The following ENPP2 variants were observed in gnomAD, a reference collection of about 807,000 sequenced individuals.
The protein encoded by ENPP2 is ectonucleotide pyrophosphatase/phosphodiesterase 2, also known as autotaxin.
A neutral mutation model predicts 120.2 loss-of-function variants in ENPP2; 51 were observed. That is an observed-to-expected ratio of 0.42 (90% CI 0.34 to 0.54). ENPP2 has a LOEUF of 0.54. Ranked by LOEUF, ENPP2 falls within the 20% of genes least tolerant of loss-of-function variation. The pLI is 0.04. For missense variants in ENPP2, 920 were observed against 1,066.5 expected, an observed-to-expected ratio of 0.86 and a Z score of 1.91; for synonymous variants, 365 against 366.4, an observed-to-expected ratio of 1.00 and a Z score of 0.04.
chr8:119,637,850 A>G (rs575948832), intron 2 of ENPP2, among the ~76,000 whole-genome samples: 5 of 152,338 alleles, frequency 3.3e-5, no homozygotes, highest in African/African-American at 1.2e-4. Context: ...GTCAAGGTAC[A>G]CTATTAAAAC....
upstream of ENPP2, among the ~76,000 whole-genome samples, chr8:119,642,312 A>T (rs552968216): frequency 3.2e-4 from 48 of 151,944 alleles, no homozygotes; most frequent in African/African-American, 1.1e-3. Flanking sequence ...CAGAATTTCT[A>T]TTTGTTTATT....
chr8:119,665,604 G>A (rs550823274), intron 1 of ENPP2, among the ~76,000 whole-genome samples: 23 of 152,270 alleles, frequency 1.5e-4, no homozygotes, highest in Non-Finnish European at 2.8e-4. Flanking sequence ...TTACTTATCA[G>A]TTATCAATCC....
intron 1 of ENPP2, among the ~76,000 whole-genome samples, chr8:119,653,145 T>C (rs936497142): frequency 2.0e-5 from 3 of 152,160 alleles, no homozygotes; most frequent in South Asian, 2.1e-4. Context: ...ATAGCTCGTT[T>C]TAAGAGGTCA....
chr8:119,651,457 A>G (rs1410013151), intron 1 of ENPP2, among the ~76,000 whole-genome samples: 1 of 152,214 alleles, frequency 6.6e-6, no homozygotes, highest in Non-Finnish European at 1.5e-5. Context: ...CTTCAAATAT[A>G]TCAAACAACT....
intron 1 of ENPP2, among the ~76,000 whole-genome samples, chr8:119,667,123 C>A (rs978063465): frequency 1.3e-5 from 2 of 152,146 alleles, no homozygotes; most frequent in African/African-American, 4.8e-5. Context: ...TAGGACCATA[C>A]CAGGAAACCA....
chr8:119,618,323 T>C, intron 5 of ENPP2: 1 of 481,620 alleles, frequency 2.1e-6, no homozygotes, highest in South Asian at 1.5e-5. Flanking sequence ...CTTATGGGCC[T>C]CTGTATAAGA....
chr8:119,606,606 TAA>T (rs1001820171), intron 9 of ENPP2, among the ~76,000 whole-genome samples: 3 of 140,024 alleles, frequency 2.1e-5, no homozygotes, highest in African/African-American at 2.6e-5. Flanking sequence ...GAAACCTCTT[TAA>T]AAAAAAAAAA....
At chr8:119,593,985 T>G (rs1587422436) in intron 11 of ENPP2, 125 bp from the exon 12 acceptor site, 1 of 680,650 alleles carries the variant, frequency 1.5e-6, no homozygotes, top group South Asian at 1.8e-5. Context: ...GAGCTTTGTC[T>G]GGGGAGATTT....
At position 119,657,361 on chromosome 8, in the gene ENPP2, C is replaced by A. The variant is rs79732920; in HGVS notation, c.21+15891G>T. Among the ~76,000 whole-genome samples the A allele has an allele frequency of 1.4e-4, 21 of 152,334 alleles. No individual in the cohort carries two copies. The East Asian group carries it at 3.9e-3, about 28-fold the overall frequency. ...AAAGTCCATGATTTTTACACCATACCATGCCTCCTCTATTGAGTTTGTTCT... is the reference window on the plus strand; with the variant it reads ...AAAGTCCATGATTTTTACACCATACAATGCCTCCTCTATTGAGTTTGTTCT... On this transcript the variant is annotated intron_variant, in intron 1 of 25. Coordinates refer to the ENPP2 transcript ENST00000427067.
At chr8:119,580,211 G>C (rs767107331) in intron 18 of ENPP2, 44 bp from the exon 19 acceptor site, 1 of 1,507,144 alleles carries the variant, frequency 6.6e-7, no homozygotes, top group Non-Finnish European at 9.2e-7. Flanking sequence ...AAGCAAATCA[G>C]AAATGTTCTT....
chr8:119,598,307 A>G (rs1814046465), intron 11 of ENPP2, among the ~76,000 whole-genome samples: 2 of 152,238 alleles, frequency 1.3e-5, no homozygotes, highest in South Asian at 4.1e-4. Flanking sequence ...ACTCCAAGAT[A>G]CCCAATTAAG....
chr8:119,581,425 GC>G (rs2130298200), intron 18 of ENPP2, among the ~76,000 whole-genome samples: 1 of 152,132 alleles, frequency 6.6e-6, no homozygotes, highest in Non-Finnish European at 1.5e-5. Flanking sequence ...TTGCCCTGTG[GC>G]TCCCTGTTGG....
intron 22 of ENPP2, 60 bp from the exon 23 acceptor site, chr8:119,565,015 C>A: frequency 6.6e-7 from 1 of 1,505,908 alleles, no homozygotes; most frequent in Non-Finnish European, 9.1e-7. Context: ...TTACTCTAGC[C>A]AAATTCTCTC....
At chr8:119,582,078 G>C (rs756951917) in intron 18 of ENPP2, among the ~76,000 whole-genome samples, 1 of 152,038 alleles carries the variant, frequency 6.6e-6, no homozygotes, top group South Asian at 2.1e-4. Context: ...CCTGTCTCCC[G>C]TCGGGACCAT....
chr8:119,601,336 C>T, intron 10 of ENPP2, 61 bp downstream of exon 10: 1 of 1,161,428 alleles, frequency 8.6e-7, no homozygotes. Flanking sequence ...TCTAGTGTTT[C>T]ACGCAATTCT....
At position 119,621,501 on chromosome 8, in the gene ENPP2, G is replaced by T; in HGVS notation, c.311C>A (p.Thr104Asn). 6.2e-7 allele frequency: 1 copy of T among 1,613,388 alleles called. No homozygotes were observed. Among genetic ancestry groups the T allele is most frequent in the Non-Finnish European group, 8.5e-7 (1 of 1,179,522 alleles). Residue 104 changes from threonine (T) to asparagine (N), a missense_variant, in exon 4 of 25, where the codon ACT (threonine) becomes AAT (asparagine). By Grantham distance (65) the Thr-to-Asn change is moderately conservative. Coordinates refer to ENST00000075322, the MANE Select transcript of ENPP2 (RefSeq NM_001040092.3). ...CLKTARGWEC[T>N]KDRCGEVRNE... ...TCTGACTTCTCCACATCTGTCCTTA[G>T]TACACTCCCAGCCACGGGCTAAAAT...
intron 2 of ENPP2, among the ~76,000 whole-genome samples, chr8:119,637,783 A>G (rs1817091240): frequency 6.6e-6 from 1 of 152,186 alleles, no homozygotes; most frequent in South Asian, 2.1e-4. Flanking sequence ...TGGGAACACT[A>G]CTTATGGTGT....
At chr8:119,604,826 TGCA>T (rs2130601859) in intron 9 of ENPP2, among the ~76,000 whole-genome samples, 1 of 152,286 alleles carries the variant, frequency 6.6e-6, no homozygotes, top group South Asian at 2.1e-4. Context: ...CAGGCTAGAG[TGCA>T]GTGGCATGGT....
At chr8:119,618,584 G>A (rs1815646559) in intron 5 of ENPP2, 7 of 296,342 alleles carry the variant, frequency 2.4e-5, no homozygotes, top group South Asian at 2.2e-4. Flanking sequence ...CTTTCATCCA[G>A]GCTGGAGTCC....
Sources: allele counts gnomAD v4.1 joint callset (sites outside exome capture counted in the v4.1 genomes callset), GRCh38; gene constraint gnomAD v4.1.1; transcripts MANE v1.5; gene names NCBI Gene and HGNC (gene_info 2026-07-23, HGNC 2026-07-21).